TTC38: variants seen among roughly 807,000 people sequenced by gnomAD.
The protein encoded by TTC38 is tetratricopeptide repeat protein 38.
TTC38 carries 64 observed loss-of-function variants against 64.2 expected under a neutral mutation model. The observed-to-expected ratio is 1.00, with a 90% CI of 0.81 to 1.23. TTC38 has a LOEUF of 1.23. Ranked by LOEUF, TTC38 falls within the 50% of genes most tolerant of loss-of-function variation. The probability of loss-of-function intolerance (pLI) is 0.00; values close to 1 mark genes in which losing one functional copy is unlikely to be tolerated. For synonymous variants in TTC38, 254 were observed against 249.3 expected (o/e 1.02, Z -0.18); for missense variants, 573 against 615.5 (o/e 0.93, Z 0.73).
At position 46,292,279 on chromosome 22, in the gene TTC38, G is replaced by T. The variant is rs1269033427; in HGVS notation, c.1317-512G>T. 3 of 426,022 alleles carry T rather than the reference G, an allele frequency of 7.0e-6. No homozygotes were observed. Among genetic ancestry groups the T allele is most frequent in the East Asian group, 1.4e-4 (2 of 13,860 alleles). 26.4% of individuals were successfully genotyped at this position (426,022 alleles called of 1,614,324 possible). Reference sequence around the variant, plus strand: ...GTTCACTGTAAACTCAAACTCCTGGGCTCAAGGAATCTTCCTGCCTCATCC... The same window carrying T: ...GTTCACTGTAAACTCAAACTCCTGGTCTCAAGGAATCTTCCTGCCTCATCC... On this transcript the variant is annotated intron_variant, in intron 13 of 13. Transcript: ENST00000381031. The surrounding 1 kb of genome is among the most constrained non-coding windows in gnomAD (Gnocchi z 6.5).
intron 1 of TTC38, 50 bp from the exon 2 acceptor site, chr22:46,268,463 TG>T: frequency 6.3e-7 from 1 of 1,594,826 alleles, no homozygotes; most frequent in Non-Finnish European, 8.6e-7. Context: ...TGTTGAAGTT[TG>T]AAGGGCTCCT....
At chr22:46,268,410 A>G in intron 1 of TTC38, 104 bp from the exon 2 acceptor site, 1 of 1,245,210 alleles carries the variant, frequency 8.0e-7, no homozygotes, top group Non-Finnish European at 1.2e-6. Context: ...CCCATTTTAC[A>G]GATGAGGAAG....
At chr22:46,284,181 C>T (rs1223179136) in intron 8 of TTC38, 149 bp downstream of exon 8, 2 of 659,428 alleles carry the variant, frequency 3.0e-6, no homozygotes, top group African/African-American at 3.7e-5. Context: ...AGGCTTCAAC[C>T]TTTTTAGGGA....
Position 46,274,799 on chromosome 22 carries a change from C to G in TTC38, c.366-449C>G, listed in dbSNP as rs1282646155. ...TCCCACTGGGTTTTCAGTTTGTTTT[C>G]TGATTCACAACCTAACATAGAAAGT... On this transcript the variant is annotated intron_variant, in intron 4 of 13. Coordinates refer to ENST00000381031, the MANE Select transcript of TTC38 (RefSeq NM_017931.4). The surrounding 1 kb of genome is among the most constrained non-coding windows in gnomAD (Gnocchi z 4.8). 6.7e-6 allele frequency among the ~76,000 whole-genome samples: 1 copy of G among 149,888 alleles called. No individual in the cohort carries two copies. Among genetic ancestry groups the G allele is most frequent in the East Asian group, 2.0e-4 (1 of 5,128 alleles).
In TTC38 at chr22:46,281,856, T is replaced by G; in HGVS notation, c.735+138T>G. On this transcript the variant is annotated intron_variant, in intron 7 of 13. Coordinates refer to ENST00000381031, the MANE Select transcript of TTC38 (RefSeq NM_017931.4). The surrounding 1 kb of genome is among the most constrained non-coding windows in gnomAD (Gnocchi z 5.2). ...CTCTCCTCCTCCACCTGCACCTGCC[T>G]CAGGTGTTTGGCTGCTGAGCAGAAT... 8.5e-7 allele frequency: 1 copy of G among 1,178,120 alleles called. No homozygotes were observed. 73.0% of individuals were successfully genotyped at this position (1,178,120 alleles called of 1,614,324 possible).
chr22:46,289,217 C>G lies in TTC38; in HGVS notation c.1083-185C>G, dbSNP rs1004854323. Among the ~76,000 whole-genome samples the G allele has an allele frequency of 2.0e-5, 3 of 152,114 alleles. No individual in the cohort carries two copies. In the East Asian group the frequency reaches 5.8e-4, roughly 29 times the overall value. On this transcript the variant is annotated intron_variant, in intron 11 of 13. Coordinates refer to ENST00000381031, the MANE Select transcript of TTC38 (RefSeq NM_017931.4). ...TAGCTGGAAGTGGGCGAACTCCAAC[C>G]CAGCTCTGAGCTCAGTACCCTGTCC... is the stretch of plus-strand genomic sequence containing the variant.
At chr22:46,280,318 G>C (rs1226811388) in intron 6 of TTC38, 2 of 408,738 alleles carry the variant, frequency 4.9e-6, no homozygotes, top group African/African-American at 4.1e-5. Flanking sequence ...GCAAGCCAGG[G>C]CTCCAGGAGC....
intron 2 of TTC38, chr22:46,269,098 CA>C: frequency 2.4e-6 from 1 of 424,308 alleles, no homozygotes; most frequent in South Asian, 1.7e-5. Flanking sequence ...GCCCCCCCCC[CA>C]CAGCGTCCTA....
chr22:46,286,965 T>G, intron 9 of TTC38, 108 bp from the exon 10 acceptor site: 1 of 779,774 alleles, frequency 1.3e-6, no homozygotes, highest in Non-Finnish European at 2.1e-6. Context: ...GGCAGAGGGC[T>G]TGCTCTATGC....
At position 46,281,500 on chromosome 22, in the gene TTC38, G is replaced by A; in HGVS notation, c.616-99G>A. The A allele has an allele frequency of 7.6e-7, 1 of 1,318,218 alleles. No homozygotes were observed. The highest frequency in any genetic ancestry group is 1.1e-6 in the Non-Finnish European group (1 of 944,296). 81.7% of individuals were successfully genotyped at this position (1,318,218 alleles called of 1,614,324 possible). ...CCCCCCACTTGCTCCACCCCGTTCAGCCCAGGCCCCTCTTGCCCCTTAGAG... is the reference window on the plus strand; with the variant it reads ...CCCCCCACTTGCTCCACCCCGTTCAACCCAGGCCCCTCTTGCCCCTTAGAG... On this transcript the variant is annotated intron_variant, in intron 6 of 13. Transcript: ENST00000381031. The surrounding 1 kb of genome is among the most constrained non-coding windows in gnomAD (Gnocchi z 5.2).
chr22:46,291,371 G>A lies in TTC38; in HGVS notation c.1317-1420G>A, dbSNP rs73886794. 0.11 allele frequency among the ~76,000 whole-genome samples: 16,014 copies of A among 152,058 alleles called. 1,984 individuals are homozygous for A. The highest frequency in any genetic ancestry group is 0.3 in the African/African-American group (12,515 of 41,416). On this transcript the variant is annotated intron_variant, in intron 13 of 13. Transcript: ENST00000381031. The surrounding 1 kb of genome is among the most constrained non-coding windows in gnomAD (Gnocchi z 4.6). ...CGGCAGTGCCGATGTGGCCTTCTGCGGGGCCCAGTGGGGGAGGGCAGGGGG... is the reference window on the plus strand; with the variant it reads ...CGGCAGTGCCGATGTGGCCTTCTGCAGGGCCCAGTGGGGGAGGGCAGGGGG...
rs748079803 is a variant in TTC38 at position 46,275,213 on chromosome 22, T to C, written c.366-35T>C. 5.0e-6 allele frequency: 8 copies of C among 1,599,474 alleles called. No homozygotes were observed. The South Asian group carries it at 9.0e-5, about 18-fold the overall frequency. ...ACTCCCTGTGTGGGTGGACTATGTG[T>C]TCAGCGTTGGTGAGAAATCTTTCTC... On this transcript the variant is annotated intron_variant, in intron 4 of 13. Coordinates refer to ENST00000381031, the MANE Select transcript of TTC38 (RefSeq NM_017931.4). This position sits in a 1 kb window ranked among gnomAD's most constrained non-coding sequence, Gnocchi z 4.5.
rs994078763 is a variant in TTC38, at chr22:46,281,585, C to T, written c.616-14C>T. On this transcript the variant is annotated splice_polypyrimidine_tract_variant and intron_variant, in intron 6 of 13. Transcript: ENST00000381031. The surrounding 1 kb of genome is among the most constrained non-coding windows in gnomAD (Gnocchi z 5.2). ...CTGCTTTATCTGGAATCCTCTTCCC[C>T]GCACCCTGCGTAGGCTTTATCTATT... 6 of 1,613,808 alleles carry T rather than the reference C, an allele frequency of 3.7e-6. No homozygotes were observed. The highest frequency in any genetic ancestry group is 2.7e-5 in the African/African-American group (2 of 74,900).
intron 6 of TTC38, 24 bp downstream of exon 6, chr22:46,278,685 C>G (rs770329772): frequency 1.3e-6 from 2 of 1,595,896 alleles, no homozygotes; most frequent in South Asian, 2.2e-5. Flanking sequence ...TCCTAAGGTG[C>G]CTGACCCCTC....
At chr22:46,286,605 T>C (rs2077573419) in intron 9 of TTC38, among the ~76,000 whole-genome samples, 1 of 149,872 alleles carries the variant, frequency 6.7e-6, no homozygotes, top group Non-Finnish European at 1.5e-5. Flanking sequence ...AGGTTGCAGT[T>C]AGCCAAGCTT....
At chr22:46,268,663 TG>T in intron 2 of TTC38, 72 bp downstream of exon 2, 1 of 1,424,558 alleles carries the variant, frequency 7.0e-7, no homozygotes, top group African/African-American at 1.6e-5. Context: ...TGGGGAAAGC[TG>T]TTTTTTTGTT....
rs1163208122 is a variant in TTC38, at chr22:46,282,403, A to G, written c.735+685A>G. ...CCTCAGGGAAGGAAAGGCTAGCACC[A>G]TGGTGGAGGTGGGCCCTCTGGACAG... On this transcript the variant is annotated intron_variant, in intron 7 of 13. Coordinates refer to ENST00000381031, the MANE Select transcript of TTC38 (RefSeq NM_017931.4). This position sits in a 1 kb window ranked among gnomAD's most constrained non-coding sequence, Gnocchi z 4.4. Among the ~76,000 whole-genome samples the G allele has an allele frequency of 6.6e-6, 1 of 152,172 alleles. No homozygotes were observed. Among genetic ancestry groups the G allele is most frequent in the Non-Finnish European group, 1.5e-5 (1 of 68,014 alleles).
At chr22:46,268,748 T>A in intron 2 of TTC38, 157 bp downstream of exon 2, 1 of 674,234 alleles carries the variant, frequency 1.5e-6, no homozygotes, top group South Asian at 1.8e-5. Flanking sequence ...GCAGTGGCGC[T>A]ATTTCGGCTC....
intron 5 of TTC38, 68 bp from the exon 6 acceptor site, chr22:46,278,518 C>A: frequency 3.0e-6 from 4 of 1,346,512 alleles, no homozygotes; most frequent in Non-Finnish European, 4.3e-6. Flanking sequence ...TGTATCTTTG[C>A]GGGGACACAG....
Sources: allele counts gnomAD v4.1 joint callset (sites outside exome capture counted in the v4.1 genomes callset), GRCh38; gene constraint gnomAD v4.1.1; non-coding constraint Gnocchi (gnomAD v3.1); transcripts MANE v1.5; gene names NCBI Gene and HGNC (gene_info 2026-07-23, HGNC 2026-07-21).